Variants in SETBP1 observed in about 807,000 individuals in gnomAD.
SETBP1 encodes SET binding protein 1, also known as SET-binding protein.
SETBP1 carries 9 observed loss-of-function variants against 101.0 expected under a neutral mutation model. The observed-to-expected ratio is 0.09, with a 90% CI of 0.05 to 0.16. The LOEUF (loss-of-function observed/expected upper bound fraction) is 0.16, where lower values mean the gene tolerates loss of function less well. Among genes scored for constraint, SETBP1 ranks in the 10% least tolerant of loss-of-function variants. The pLI is 1.00. For synonymous variants in SETBP1, 818 were observed against 788.5 expected (o/e 1.04, Z -0.63); for missense variants, 1,858 against 2,033.8 (o/e 0.91, Z 1.66).
At chr18:44,778,829 C>A (rs1245589000) in intron 2 of SETBP1, among the ~76,000 whole-genome samples, 1 of 152,254 alleles carries the variant, frequency 6.6e-6, no homozygotes, top group Non-Finnish European at 1.5e-5. Flanking sequence ...GATCTCTCCC[C>A]TGAAGCCCCT....
intron 3 of SETBP1, among the ~76,000 whole-genome samples, chr18:44,913,021 G>A (rs937670782): frequency 3.0e-4 from 45 of 152,256 alleles, no homozygotes; most frequent in African/African-American, 1.1e-3. Flanking sequence ...GGAACCACAA[G>A]TTCTGGAGCT....
At chr18:44,818,953 G>A (rs977142482) in intron 2 of SETBP1, among the ~76,000 whole-genome samples, 13 of 149,444 alleles carry the variant, frequency 8.7e-5, no homozygotes, top group South Asian at 6.4e-4. Context: ...TCTAATTACC[G>A]GACAATATTT....
chr18:44,714,438 A>G (rs2069415855), intron 2 of SETBP1, among the ~76,000 whole-genome samples: 1 of 151,980 alleles, frequency 6.6e-6, no homozygotes, highest in African/African-American at 2.4e-5. Flanking sequence ...CTGACCTCAG[A>G]TGATCCGCCC....
chr18:44,820,502 GT>G (rs2072089088), intron 2 of SETBP1, among the ~76,000 whole-genome samples: 1 of 152,138 alleles, frequency 6.6e-6, no homozygotes, highest in Admixed American at 6.5e-5. Flanking sequence ...ATGGTGGTGG[GT>G]GGGGGATGGG....
intron 3 of SETBP1, among the ~76,000 whole-genome samples, chr18:44,879,795 A>C (rs1181075253): frequency 6.6e-6 from 1 of 152,224 alleles, no homozygotes; most frequent in Non-Finnish European, 1.5e-5. Flanking sequence ...CCATTTGACC[A>C]GGAGAAGGGA....
At chr18:45,058,277 G>C (rs1020035472) in intron 5 of SETBP1, among the ~76,000 whole-genome samples, 4 of 152,166 alleles carry the variant, frequency 2.6e-5, no homozygotes, top group Non-Finnish European at 5.9e-5. Context: ...AATTTGAAGA[G>C]AGAAAAATCT....
intron 1 of SETBP1, among the ~76,000 whole-genome samples, chr18:44,700,888 C>A (rs560941304): frequency 1.3e-5 from 2 of 152,304 alleles, no homozygotes; most frequent in Non-Finnish European, 2.9e-5. Flanking sequence ...ATAAAGAAAC[C>A]TCTAGCTTGC....
At chr18:45,037,428 A>T (rs1172187392) in intron 4 of SETBP1, among the ~76,000 whole-genome samples, 2 of 152,106 alleles carry the variant, frequency 1.3e-5, no homozygotes, top group Non-Finnish European at 2.9e-5. Context: ...GATAATAATA[A>T]TGTTAAGCAC....
At chr18:44,989,801 G>A (rs1453873360) in intron 4 of SETBP1, among the ~76,000 whole-genome samples, 4 of 144,040 alleles carry the variant, frequency 2.8e-5, no homozygotes, top group Admixed American at 7.2e-5. Flanking sequence ...CCCGGGAGGC[G>A]GAGCTTGCAG....
chr18:44,894,999 A>C (rs538302291), intron 3 of SETBP1, among the ~76,000 whole-genome samples: 47 of 148,986 alleles, frequency 3.2e-4, no homozygotes, highest in African/African-American at 1.2e-3. Context: ...CTGTAGTCCC[A>C]GCTACTAGGG....
intron 2 of SETBP1, among the ~76,000 whole-genome samples, chr18:44,834,088 G>A (rs1244795412): frequency 6.6e-6 from 1 of 152,194 alleles, no homozygotes; most frequent in African/African-American, 2.4e-5. Context: ...TGGACTTCAG[G>A]AATTTGTAGA....
chr18:44,838,809 G>A (rs915684550), intron 2 of SETBP1, among the ~76,000 whole-genome samples: 9 of 150,344 alleles, frequency 6.0e-5, no homozygotes, highest in Non-Finnish European at 8.9e-5. Flanking sequence ...TCGGAAAACA[G>A]GAACACCCAG....
In SETBP1 at chr18:44,709,083, G is replaced by A. The variant is rs768930432; in HGVS notation, c.486+7251G>A. Among the ~76,000 whole-genome samples, 101 of 152,082 alleles carry A rather than the reference G, an allele frequency of 6.6e-4. 3 individuals carry two copies. The highest frequency in any genetic ancestry group is 1.3e-4 in the Non-Finnish European group (9 of 68,000). ...GAATATTTGGTTATCCCTCAACCCC[G>A]TCTTCTATTTTTCTCTTTTTTTCTT... On this transcript the variant is annotated intron_variant, in intron 2 of 5. Transcript: ENST00000649279.
chr18:44,974,220 A>T (rs1248485340), intron 4 of SETBP1, among the ~76,000 whole-genome samples: 1 of 152,188 alleles, frequency 6.6e-6, no homozygotes, highest in African/African-American at 2.4e-5. Context: ...GGCCCTGGTC[A>T]TGGGCCACAT....
intron 2 of SETBP1, among the ~76,000 whole-genome samples, chr18:44,813,207 T>C (rs537914112): frequency 6.6e-6 from 1 of 152,354 alleles, no homozygotes; most frequent in Admixed American, 6.5e-5. Flanking sequence ...TCTGTGGCCA[T>C]GTCCTTTCAG....
At chr18:44,718,604 A>T (rs2069517801) in intron 2 of SETBP1, among the ~76,000 whole-genome samples, 1 of 152,100 alleles carries the variant, frequency 6.6e-6, no homozygotes, top group Non-Finnish European at 1.5e-5. Context: ...CATTCAACCA[A>T]ATATATTTTC....
chr18:44,755,384 G>A (rs570858214), intron 2 of SETBP1, among the ~76,000 whole-genome samples: 34 of 152,262 alleles, frequency 2.2e-4, no homozygotes, highest in African/African-American at 8.2e-4. Flanking sequence ...TAAATGTGAG[G>A]CATCATCCAA....
intron 2 of SETBP1, among the ~76,000 whole-genome samples, chr18:44,799,760 G>A: frequency 6.6e-6 from 1 of 152,148 alleles, no homozygotes; most frequent in South Asian, 2.1e-4. Flanking sequence ...AGCCTGGGGT[G>A]ACCCAGCATG....
intron 2 of SETBP1, among the ~76,000 whole-genome samples, chr18:44,791,479 G>C (rs1462054465): frequency 6.6e-6 from 1 of 152,116 alleles, no homozygotes; most frequent in Non-Finnish European, 1.5e-5. Context: ...GCATTGCTTT[G>C]TGGGCCTCAC....
Sources: allele counts gnomAD v4.1 joint callset (sites outside exome capture counted in the v4.1 genomes callset), GRCh38; gene constraint gnomAD v4.1.1; transcripts MANE v1.5; gene names NCBI Gene and HGNC (gene_info 2026-07-23, HGNC 2026-07-21).